Variants in MMUT observed in about 807,000 individuals in gnomAD.
The protein encoded by MMUT is methylmalonyl-CoA mutase, mitochondrial.
Under a neutral mutation model 79.9 loss-of-function variants are expected in MMUT, and 79 were observed. The ratio of observed to expected loss-of-function variants is 0.99; its 90% confidence interval spans 0.82 to 1.19. The LOEUF (loss-of-function observed/expected upper bound fraction) is 1.19, where lower values mean the gene tolerates loss of function less well. MMUT is among the 50% of genes most tolerant of loss of function. The probability of loss-of-function intolerance (pLI) is 0.00; values close to 1 mark genes in which losing one functional copy is unlikely to be tolerated. For synonymous variants in MMUT, 273 were observed against 295.7 expected (o/e 0.92, Z 0.79); for missense variants, 860 against 917.2 (o/e 0.94, Z 0.81).
In MMUT at chr6:49,448,735, A is replaced by C. The variant is rs566296640; in HGVS notation, c.1444+81T>G. ...CATTTTTCATTATTTTTGTTTTGTTAACTATACATGTTATCTTCAAACAGA... is the reference window on the plus strand; with the variant it reads ...CATTTTTCATTATTTTTGTTTTGTTCACTATACATGTTATCTTCAAACAGA... On this transcript the variant is annotated intron_variant, in intron 7 of 12. Transcript: ENST00000274813. 1,699 of 1,186,474 alleles carry C rather than the reference A, an allele frequency of 1.4e-3. 7 individuals carry two copies. The highest frequency in any genetic ancestry group is 2.0e-3 in the Non-Finnish European group (1,580 of 798,684). 73.5% of individuals were successfully genotyped at this position (1,186,474 alleles called of 1,614,324 possible). A position where few individuals can be genotyped will look rare whatever the true frequency, so the allele number is the denominator to read the frequency against.
intron 10 of MMUT, among the ~76,000 whole-genome samples, chr6:49,441,289 T>C (rs1767266419): frequency 6.6e-6 from 1 of 152,150 alleles, no homozygotes; most frequent in South Asian, 2.1e-4. Flanking sequence ...GATTGTAATG[T>C]ATGCATAGAT....
chr6:49,449,195 C>T (rs1767488339), intron 6 of MMUT, among the ~76,000 whole-genome samples: 1 of 152,036 alleles, frequency 6.6e-6, no homozygotes, highest in African/African-American at 2.4e-5. Context: ...AACATCAATT[C>T]TCTAATCTTT....
chr6:49,459,021 A>G, intron 2 of MMUT, 61 bp downstream of exon 2: 2 of 1,531,868 alleles, frequency 1.3e-6, no homozygotes, highest in South Asian at 1.2e-5. Context: ...ACCCCCAAAA[A>G]ATAAAAAACT....
chr6:49,462,266 C>T (rs939659068), intron 1 of MMUT, among the ~76,000 whole-genome samples: 2 of 152,162 alleles, frequency 1.3e-5, no homozygotes, highest in African/African-American at 2.4e-5. Context: ...AATCCCACCC[C>T]CACACCTCAA....
intron 7 of MMUT, among the ~76,000 whole-genome samples, chr6:49,448,208 C>T (rs1230720108): frequency 6.6e-6 from 1 of 151,936 alleles, no homozygotes; most frequent in African/African-American, 2.4e-5. Flanking sequence ...ATCAAAATTA[C>T]AAAGATACTT....
intron 10 of MMUT, among the ~76,000 whole-genome samples, 166 bp downstream of exon 10, chr6:49,441,671 CTAT>C (rs1248722217): frequency 4.1e-5 from 6 of 148,060 alleles, no homozygotes; most frequent in South Asian, 2.1e-4. Flanking sequence ...ATTATATACT[CTAT>C]TATATGTTAT....
chr6:49,433,087 T>C (rs1042634921), intron 12 of MMUT, among the ~76,000 whole-genome samples: 3 of 152,236 alleles, frequency 2.0e-5, no homozygotes, highest in Admixed American at 6.5e-5. Flanking sequence ...GTAGAGATCA[T>C]GTCCAATCTG....
chr6:49,458,102 A>C, intron 2 of MMUT, 44 bp from the exon 3 acceptor site: 3 of 1,583,126 alleles, frequency 1.9e-6, no homozygotes, highest in Non-Finnish European at 2.6e-6. Context: ...AGAGTCTGGA[A>C]TCAAGGTAAA....
At position 49,459,429 on chromosome 6, in the gene MMUT, G is replaced by A. The variant is rs1057518979; in HGVS notation, c.38C>T (p.Pro13Leu). The A allele has an allele frequency of 2.5e-6, 4 of 1,613,264 alleles. No individual in the cohort carries two copies. The African/African-American group carries it at 4.0e-5, about 16-fold the overall frequency. Residue 13 changes from proline (P) to leucine (L), a missense_variant, in exon 2 of 13, where the codon CCT becomes CTT. Transcript: ENST00000274813. ...RAKNQLFLLSPHYLRQVKESS... is the reference protein window; with the variant it reads ...RAKNQLFLLSLHYLRQVKESS... ...TTCTTTTACCTGCCTCAGGTAATGA[G>A]GTGAAAGTAAAAAAAGCTGATTCTT... is the stretch of plus-strand genomic sequence containing the variant.
At chr6:49,438,915 T>A (rs2127414332) in intron 11 of MMUT, among the ~76,000 whole-genome samples, 1 of 152,264 alleles carries the variant, frequency 6.6e-6, no homozygotes, top group East Asian at 1.9e-4. Flanking sequence ...GTTTGGGAAC[T>A]CGGACTGGCT....
chr6:49,451,779 G>C, intron 5 of MMUT, 65 bp from the exon 6 acceptor site: 2 of 1,498,798 alleles, frequency 1.3e-6, no homozygotes, highest in Non-Finnish European at 1.8e-6. Context: ...ACTATAAACA[G>C]CAACATGATT....
chr6:49,456,204 C>A lies in MMUT; in HGVS notation c.787G>T (p.Gly263Ter), dbSNP rs1767683238. Residue 263 changes from glycine (G) to a stop codon, truncating the protein, a stop_gained, in exon 4 of 13, where the codon GGA becomes TGA. Coordinates refer to ENST00000274813, the MANE Select transcript of MMUT (RefSeq NM_000255.4). LOFTEE classifies it high-confidence loss of function. ...GCCCCTGCTTCCTGCATATGGTATC[C>A]ACTAATTGAAATTGAATTAAATTTT... The part of the protein sequence containing the change: ...MPKFNSISIS[G>*]YHMQEAGADA... The A allele has an allele frequency of 6.2e-7, 1 of 1,611,256 alleles. No individual in the cohort carries two copies. Among genetic ancestry groups the A allele is most frequent in the Admixed American group, 1.7e-5 (1 of 59,966 alleles).
At chr6:49,456,710 T>G (rs760931427) in intron 3 of MMUT, among the ~76,000 whole-genome samples, 4 of 152,168 alleles carry the variant, frequency 2.6e-5, no homozygotes, top group Non-Finnish European at 4.4e-5. Context: ...CAAACATGAA[T>G]AAGTACACAG....
intron 9 of MMUT, 146 bp downstream of exon 9, chr6:49,444,493 G>T: frequency 2.9e-6 from 2 of 690,968 alleles, no homozygotes; most frequent in Non-Finnish European, 2.6e-6. Flanking sequence ...ATTTTAAAAT[G>T]ATAAGAATTA....
At chr6:49,461,218 G>C (rs564412349) in intron 1 of MMUT, among the ~76,000 whole-genome samples, 1 of 152,110 alleles carries the variant, frequency 6.6e-6, no homozygotes, top group Non-Finnish European at 1.5e-5. Context: ...GGGGCTTTTG[G>C]GGGTAATGGT....
intron 11 of MMUT, among the ~76,000 whole-genome samples, chr6:49,436,094 A>T (rs750967798): frequency 1.4e-4 from 22 of 152,356 alleles, no homozygotes; most frequent in Non-Finnish European, 3.1e-4. Context: ...CACACCAGTC[A>T]GAATGGCTAT....
chr6:49,451,223 G>A (rs796523583), intron 6 of MMUT, among the ~76,000 whole-genome samples: 26 of 152,246 alleles, frequency 1.7e-4, no homozygotes, highest in African/African-American at 6.3e-4. Context: ...AATACTAGCT[G>A]TCTTTTTAAT....
chr6:49,450,969 G>C (rs976146870), intron 6 of MMUT, among the ~76,000 whole-genome samples: 4 of 152,118 alleles, frequency 2.6e-5, no homozygotes, highest in Non-Finnish European at 5.9e-5. Context: ...GGTAGTAAGG[G>C]AGGAGGAAAA....
At chr6:49,440,400 A>G in intron 10 of MMUT, 47 bp from the exon 11 acceptor site, 1 of 1,581,292 alleles carries the variant, frequency 6.3e-7, no homozygotes, top group Middle Eastern at 1.7e-4. Flanking sequence ...CTAATTTTCC[A>G]AAGGGAAGAT....
Sources: gnomAD v4.1 joint callset for allele counts (sites outside exome capture counted in the v4.1 genomes callset) on GRCh38, gnomAD v4.1.1 for gene constraint, MANE v1.5 for transcripts, NCBI Gene and HGNC (gene_info 2026-07-23, HGNC 2026-07-21) for gene names.